Variants in UNC45A observed in about 807,000 individuals in gnomAD.
UNC45A encodes the protein unc-45 myosin chaperone A, also known as protein unc-45 homolog A.
In UNC45A, 78 loss-of-function variants were observed where a neutral mutation model predicts 103.2. The ratio of observed to expected loss-of-function variants is 0.76; its 90% CI spans 0.63 to 0.91. The LOEUF is 0.91. Among genes scored for constraint, UNC45A ranks in the 40% least tolerant of loss-of-function variants. UNC45A has a pLI of 0.00. For missense variants in UNC45A, 1,193 were observed against 1,224.8 expected (o/e 0.97, Z 0.39); for synonymous variants, 495 against 504.6 (o/e 0.98, Z 0.25).
At chr15:90,940,217 G>C in intron 5 of UNC45A, 89 bp from the exon 6 acceptor site, 3 of 1,416,188 alleles carry the variant, frequency 2.1e-6, no homozygotes, top group Non-Finnish European at 2.9e-6. Context: ...TGGAAGCAGA[G>C]AGGTCCAGGG....
chr15:90,952,798 G>A (rs747983159), intron 17 of UNC45A, 131 bp from the exon 18 acceptor site: 33 of 747,240 alleles, frequency 4.4e-5, no homozygotes, highest in Non-Finnish European at 7.3e-5. Context: ...AAGCCATGAG[G>A]GACCCATCCC....
intron 17 of UNC45A, 127 bp from the exon 18 acceptor site, chr15:90,952,802 C>T (rs190886425): frequency 1.5e-4 from 119 of 775,088 alleles, no homozygotes; most frequent in Non-Finnish European, 2.1e-4. Flanking sequence ...CATGAGGGAC[C>T]CATCCCATGA....
intron 6 of UNC45A, chr15:90,940,764 T>C (rs1311852215): frequency 1.0e-5 from 2 of 193,774 alleles, no homozygotes; most frequent in Non-Finnish European, 2.1e-5. Context: ...AATAAAAAAA[T>C]TAGCCGGGCA....
At chr15:90,941,682 C>T (rs895365305) in intron 6 of UNC45A, among the ~76,000 whole-genome samples, 44 of 151,982 alleles carry the variant, frequency 2.9e-4, no homozygotes, top group African/African-American at 9.9e-4. Flanking sequence ...GGAGAGGGCC[C>T]GGCGCGGTGG....
In UNC45A at chr15:90,950,287, G is replaced by T. The variant is rs986693051; in HGVS notation, c.2187+20G>T. On this transcript the variant is annotated intron_variant, in intron 16 of 19. Coordinates refer to ENST00000418476, the MANE Select transcript of UNC45A (RefSeq NM_018671.5). The stretch of plus-strand genomic sequence containing the variant: ...GAGCGGGTACGTGTCTTCCTGCCCC[G>T]GCCTTTCCACTCCCTCTGTCCCTGA... The T allele has an allele frequency of 5.8e-6, 9 of 1,550,950 alleles. No individual in the cohort carries two copies. The African/African-American group carries it at 1.2e-4, about 21-fold the overall frequency.
At chr15:90,950,738 C>A (rs909759747) in intron 17 of UNC45A, 123 bp downstream of exon 17, 2 of 963,648 alleles carry the variant, frequency 2.1e-6, no homozygotes, top group Non-Finnish European at 3.1e-6. Context: ...ACAGTGACTG[C>A]TCCGCATCAT....
At chr15:90,948,452 T>A in intron 12 of UNC45A, 169 bp downstream of exon 12, 1 of 1,264,524 alleles carries the variant, frequency 7.9e-7, no homozygotes, top group Non-Finnish European at 1.1e-6. Flanking sequence ...ACCAGTGGTG[T>A]TAGCAAGGAC....
Position 90,935,969 on chromosome 15 carries a change from A to C in UNC45A, c.237A>C (p.Thr79=), listed in dbSNP as rs1382551927. Residue 79 remains threonine (T), a synonymous_variant, in exon 3 of 20, where the codon ACA becomes ACC. Transcript: ENST00000418476. ...AGGAAGATTACGACAAAGCAGAAAC[A>C]GAGGCATCCAAAGGTAGGGGAATGG... ...LKLEDYDKAE[T]EASKAIEKDG... 6.2e-7 allele frequency: 1 copy of C among 1,613,972 alleles called. No individual in the cohort carries two copies. The highest frequency in any genetic ancestry group is 8.5e-7 in the Non-Finnish European group (1 of 1,180,018).
At position 90,939,768 on chromosome 15, in the gene UNC45A, A is replaced by G. The variant is rs2151358965; in HGVS notation, c.464A>G (p.Gln155Arg). 4 of 1,614,208 alleles carry G rather than the reference A, an allele frequency of 2.5e-6. No individual in the cohort carries two copies. The highest frequency in any genetic ancestry group is 3.4e-6 in the Non-Finnish European group (4 of 1,180,038). The change falls in exon 5 of 20, where the codon CAG (glutamine) becomes CGG (arginine). Residue 155 changes from glutamine (Q) to arginine (R), a missense_variant. Transcript: ENST00000418476. ...YMSSTDAKVE[Q>R]MFQILLDPEE... Reference sequence around the variant, plus strand: ...TCCTCGACGGATGCCAAAGTGGAACAGATGTTTCAGATACTGTTGGACCCA... The same window carrying G: ...TCCTCGACGGATGCCAAAGTGGAACGGATGTTTCAGATACTGTTGGACCCA...
At chr15:90,932,553 G>C (rs769788074), upstream of UNC45A, 104 of 1,243,710 alleles carry the variant, frequency 8.4e-5, 1 homozygote, top group Non-Finnish European at 1.0e-4. Flanking sequence ...CGCGGATGGG[G>C]CCGACGACTG....
rs768006643 is a variant in UNC45A at position 90,950,261 on chromosome 15, C to T, written c.2181C>T (p.Gly727=). The T allele has an allele frequency of 3.9e-6, 6 of 1,551,576 alleles. No individual in the cohort carries two copies. Among genetic ancestry groups the T allele is most frequent in the African/African-American group, 2.7e-5 (2 of 73,046 alleles). The change falls in exon 16 of 20, where the codon GGC becomes GGT. Residue 727 remains glycine, a synonymous_variant. Coordinates refer to ENST00000418476, the MANE Select transcript of UNC45A (RefSeq NM_018671.5). ...ITSNPEMTFP[G]ERIYEVVRPL... Reference sequence around the variant, plus strand: ...CCAACCCGGAGATGACCTTCCCTGGCGAGCGGGTACGTGTCTTCCTGCCCC... The same window carrying T: ...CCAACCCGGAGATGACCTTCCCTGGTGAGCGGGTACGTGTCTTCCTGCCCC...
upstream of UNC45A, chr15:90,935,206 C>G: frequency 9.4e-7 from 1 of 1,068,454 alleles, no homozygotes; most frequent in Non-Finnish European, 1.4e-6. Flanking sequence ...AGCCCTGCCC[C>G]TCTCTGACCC....
upstream of UNC45A, chr15:90,932,582 C>T: frequency 8.5e-7 from 1 of 1,183,314 alleles, no homozygotes; most frequent in Non-Finnish European, 1.1e-6. Context: ...GGGGCAGGGA[C>T]GGAACGTTTA....
At chr15:90,936,186 C>T in intron 3 of UNC45A, 99 bp from the exon 4 acceptor site, 5 of 1,534,538 alleles carry the variant, frequency 3.3e-6, no homozygotes, top group Non-Finnish European at 4.4e-6. Context: ...CATTCGTCCC[C>T]CCCACCTTCT....
Position 90,946,761 on chromosome 15 carries a change from G to T in UNC45A, c.1347G>T (p.Glu449Asp). The change falls in exon 10 of 20, where the codon GAG becomes GAT. Residue 449 changes from glutamate to aspartate, a missense_variant. Glu to Asp is a conservative substitution (Grantham distance 45). Coordinates refer to ENST00000418476, the MANE Select transcript of UNC45A (RefSeq NM_018671.5). ...GTGTGATTGCTCTGTGTGCCTCTGAGCAGGAGGAGGAGCAGCTGGTGGCCG... is the reference window on the plus strand; with the variant it reads ...GTGTGATTGCTCTGTGTGCCTCTGATCAGGAGGAGGAGCAGCTGGTGGCCG... Reference protein sequence around the residue: ...MESVIALCASEQEEEQLVAVE... With the variant: ...MESVIALCASDQEEEQLVAVE... 2 of 1,614,164 alleles carry T rather than the reference G, an allele frequency of 1.2e-6. No homozygotes were observed. Among genetic ancestry groups the T allele is most frequent in the Non-Finnish European group, 1.7e-6 (2 of 1,180,050 alleles).
At chr15:90,937,247 G>A (rs988651720) in intron 4 of UNC45A, among the ~76,000 whole-genome samples, 1 of 152,186 alleles carries the variant, frequency 6.6e-6, no homozygotes. Context: ...CTGTGAGGCT[G>A]AGGCAGGAGA....
upstream of UNC45A, chr15:90,932,453 T>C: frequency 4.4e-6 from 6 of 1,349,592 alleles, no homozygotes; most frequent in Non-Finnish European, 5.7e-6. Flanking sequence ...ATGTAGGGGG[T>C]CCCCTCGGGG....
At chr15:90,931,358 C>T (rs778643169), upstream of UNC45A, 1 of 1,553,970 alleles carries the variant, frequency 6.4e-7, no homozygotes, top group Non-Finnish European at 8.7e-7. Flanking sequence ...CCCTTCACCA[C>T]CTGCGCTGCC....
intron 5 of UNC45A, 60 bp downstream of exon 5, chr15:90,939,883 C>T: frequency 1.3e-6 from 2 of 1,522,572 alleles, no homozygotes; most frequent in African/African-American, 1.4e-5. Flanking sequence ...ATCCATAGGC[C>T]CCCGAAGCCA....
Sources: allele counts gnomAD v4.1 joint callset (sites outside exome capture counted in the v4.1 genomes callset), GRCh38; gene constraint gnomAD v4.1.1; transcripts MANE v1.5; gene names NCBI Gene and HGNC (gene_info 2026-07-23, HGNC 2026-07-21).